The following MARCHF7 variants were observed in gnomAD, a reference collection of about 807,000 sequenced individuals.
The protein encoded by MARCHF7 is E3 ubiquitin-protein ligase MARCHF7.
Under a neutral mutation model 76.5 loss-of-function variants are expected in MARCHF7, and 20 were observed. The observed-to-expected ratio is 0.26, with a 90% CI of 0.18 to 0.38. MARCHF7 has a LOEUF of 0.38. Among genes scored for constraint, MARCHF7 ranks in the 10% least tolerant of loss-of-function variants. The probability of loss-of-function intolerance (pLI) is 1.00; values close to 1 mark genes in which losing one functional copy is unlikely to be tolerated. For missense variants in MARCHF7, 797 were observed against 812.9 expected, an observed-to-expected ratio of 0.98 and a Z score of 0.24; for synonymous variants, 295 against 293.0, an observed-to-expected ratio of 1.01 and a Z score of -0.07.
intron 1 of MARCHF7, among the ~76,000 whole-genome samples, chr2:159,713,142 TA>T (rs1700462230): frequency 1.3e-5 from 2 of 152,330 alleles, no homozygotes; most frequent in South Asian, 4.1e-4. Context: ...GTCTTATTGG[TA>T]ACGTCAGTTT....
intron 7 of MARCHF7, 82 bp downstream of exon 7, chr2:159,748,985 T>C (rs1023683660): frequency 7.8e-6 from 10 of 1,289,498 alleles, no homozygotes; most frequent in East Asian, 5.3e-5. Flanking sequence ...TTTCTTTTTT[T>C]TTTTTTTTTT....
At chr2:159,736,378 C>T (rs77363656) in intron 4 of MARCHF7, among the ~76,000 whole-genome samples, 4,569 of 152,250 alleles carry the variant, frequency 0.03, 73 homozygotes, top group South Asian at 0.051. Flanking sequence ...TGATGTTATA[C>T]ATCTTTTCAT....
intron 9 of MARCHF7, among the ~76,000 whole-genome samples, chr2:159,759,851 C>T (rs147407243): frequency 6.6e-6 from 1 of 152,288 alleles, no homozygotes; most frequent in Non-Finnish European, 1.5e-5. Flanking sequence ...ATACCTAGCA[C>T]TTTGGGAGGC....
intron 8 of MARCHF7, among the ~76,000 whole-genome samples, chr2:159,759,000 A>G (rs1403690888): frequency 1.3e-5 from 2 of 152,226 alleles, no homozygotes; most frequent in Non-Finnish European, 2.9e-5. Context: ...AGGTATCTAA[A>G]TAATGGTGGT....
At position 159,771,001 on chromosome 2, in the gene MARCHF7, A is replaced by G. The variant is rs1471208186; in HGVS notation, c.*3659A>G. On this transcript the variant is annotated 3_prime_UTR_variant, in exon 12 of 12. Coordinates refer to ENST00000409175, the MANE Select transcript of MARCHF7 (RefSeq NM_001282805.2). ...ACCTTTTTCTTAAAATGTACAATAA[A>G]TGCACTGAAAACTTTGATCACTGTC... 6.6e-6 allele frequency: 1 copy of G among 152,202 alleles called. No individual in the cohort carries two copies. The highest frequency in any genetic ancestry group is 2.4e-5 in the African/African-American group (1 of 41,462). 9.4% of individuals were successfully genotyped at this position (152,202 alleles called of 1,614,324 possible).
intron 3 of MARCHF7, among the ~76,000 whole-genome samples, chr2:159,719,883 A>G (rs1404190702): frequency 6.6e-6 from 1 of 152,164 alleles, no homozygotes; most frequent in African/African-American, 2.4e-5. Flanking sequence ...GGGCATTAGT[A>G]TGGTGGGTTG....
chr2:159,737,153 C>G (rs1299125263), intron 4 of MARCHF7, among the ~76,000 whole-genome samples: 1 of 151,862 alleles, frequency 6.6e-6, no homozygotes, highest in African/African-American at 2.4e-5. Flanking sequence ...AGTCGGGAGG[C>G]AGGAAATGCA....
rs1434651748 is a variant in MARCHF7, at chr2:159,729,110, G to C, written c.88G>C (p.Gly30Arg). ...LSARMMSGSRGSSLNDTYHSR... is the reference protein window; with the variant it reads ...LSARMMSGSRRSSLNDTYHSR... Reference sequence around the variant, plus strand: ...TGCTAGGATGATGTCTGGAAGCAGAGGAAGTAGTTTAAATGATACCTATCA... The same window carrying C: ...TGCTAGGATGATGTCTGGAAGCAGACGAAGTAGTTTAAATGATACCTATCA... The change falls in exon 4 of 12, where the codon GGA (glycine) becomes CGA (arginine). Residue 30 changes from glycine to arginine, a missense_variant. This residue lies in a region of MARCHF7 where 643 missense variants were observed against 631.5 expected (regional missense o/e 1.02). Transcript: ENST00000409175. 1.2e-6 allele frequency: 2 copies of C among 1,611,152 alleles called. No homozygotes were observed. The highest frequency in any genetic ancestry group is 1.7e-6 in the Non-Finnish European group (2 of 1,178,844).
At chr2:159,713,435 T>C (rs1019820775) in intron 1 of MARCHF7, among the ~76,000 whole-genome samples, 3 of 152,226 alleles carry the variant, frequency 2.0e-5, no homozygotes, top group African/African-American at 7.2e-5. Context: ...ACGACTAATG[T>C]TGTTTGTTAC....
At chr2:159,714,676 T>C (rs1012730934) in intron 2 of MARCHF7, 78 bp downstream of exon 2, 19 of 152,330 alleles carry the variant, frequency 1.2e-4, no homozygotes, top group African/African-American at 4.3e-4. Flanking sequence ...CTCACTCCTG[T>C]AATCCCGTCA....
At chr2:159,756,357 C>T (rs1706291289) in intron 8 of MARCHF7, among the ~76,000 whole-genome samples, 1 of 152,138 alleles carries the variant, frequency 6.6e-6, no homozygotes, top group East Asian at 1.9e-4. Flanking sequence ...GTTCTAAACC[C>T]TGGCTGCTGA....
chr2:159,734,013 A>G (rs996351185), intron 4 of MARCHF7: 7 of 1,351,332 alleles, frequency 5.2e-6, no homozygotes, highest in Admixed American at 2.7e-5. Flanking sequence ...TACTTCTGCT[A>G]TCCCATCTTT....
intron 7 of MARCHF7, among the ~76,000 whole-genome samples, chr2:159,750,496 A>T (rs1051231816): frequency 1.3e-5 from 2 of 152,174 alleles, no homozygotes; most frequent in Admixed American, 6.5e-5. Context: ...CTGCACTCCA[A>T]CCAGGCGACA....
chr2:159,714,297 T>C (rs1396481863), intron 1 of MARCHF7, among the ~76,000 whole-genome samples: 1 of 152,246 alleles, frequency 6.6e-6, no homozygotes, highest in African/African-American at 2.4e-5. Flanking sequence ...TTACAAATTA[T>C]GGAGAGCTTC....
intron 5 of MARCHF7, among the ~76,000 whole-genome samples, chr2:159,743,974 CT>C (rs1170864400): frequency 0.012 from 751 of 60,580 alleles, no homozygotes; most frequent in Non-Finnish European, 0.019. Context: ...AGTAGGAGTT[CT>C]TTTTTTTTTT....
intron 7 of MARCHF7, among the ~76,000 whole-genome samples, chr2:159,751,926 G>A (rs530380473): frequency 1.3e-5 from 2 of 152,284 alleles, no homozygotes; most frequent in South Asian, 2.1e-4. Context: ...CTACAAGCCA[G>A]TATGTGTTTA....
At chr2:159,724,905 C>T (rs976796314) in intron 3 of MARCHF7, among the ~76,000 whole-genome samples, 4 of 152,168 alleles carry the variant, frequency 2.6e-5, no homozygotes, top group African/African-American at 9.7e-5. Context: ...CTGTTCAGTT[C>T]CCACCCATGA....
At position 159,770,761 on chromosome 2, in the gene MARCHF7, AG is replaced by A. The variant is rs1452093052; in HGVS notation, c.*3421del. The A allele has an allele frequency of 6.6e-6, 1 of 152,172 alleles. No homozygotes were observed. Among genetic ancestry groups the A allele is most frequent in the Admixed American group, 6.5e-5 (1 of 15,274 alleles). 9.4% of individuals were successfully genotyped at this position (152,172 alleles called of 1,614,324 possible). On this transcript the variant is annotated 3_prime_UTR_variant, in exon 12 of 12. Transcript: ENST00000409175. The stretch of plus-strand genomic sequence containing the variant: ...ATGCTGTGTAGGTTTGGGACAAAAT[AG>A]GCTCTACCATCTGGGTTTGTGTAAA...
chr2:159,733,356 G>C, intron 4 of MARCHF7: 6 of 457,750 alleles, frequency 1.3e-5, no homozygotes, highest in Non-Finnish European at 1.7e-5. Flanking sequence ...TCCCACCTCA[G>C]CCTCCTGAGT....
Sources: allele counts gnomAD v4.1 joint callset (sites outside exome capture counted in the v4.1 genomes callset), GRCh38; gene constraint gnomAD v4.1.1; regional missense constraint gnomAD v4.1.1; transcripts MANE v1.5; gene names NCBI Gene and HGNC (gene_info 2026-07-23, HGNC 2026-07-21).